The following ABHD12 variants were observed in gnomAD, a reference collection of about 807,000 sequenced individuals.
ABHD12 encodes lysophosphatidylserine lipase ABHD12.
Under a neutral mutation model 58.3 loss-of-function variants are expected in ABHD12, and 43 were observed. The ratio of observed to expected loss-of-function variants is 0.74; its 90% CI spans 0.58 to 0.95. The LOEUF (loss-of-function observed/expected upper bound fraction) is 0.95. ABHD12 is among the 40% of genes least tolerant of loss of function. The pLI is 0.00. For synonymous variants in ABHD12, 219 were observed against 211.2 expected (o/e 1.04, Z -0.32); for missense variants, 539 against 537.2 (o/e 1.00, Z -0.03).
chr20:25,322,362 G>GATATATATAT lies in ABHD12; in HGVS notation c.422+953_422+962dup, dbSNP rs1312326738. On this transcript the variant is annotated intron_variant, in intron 3 of 12. Coordinates refer to ENST00000339157, the MANE Select transcript of ABHD12 (RefSeq NM_001042472.3). ...ATCTAGATGTTCACCTCTTGGAAAA[G>GATATATATAT]ATATATATATATATATATATTTTTT... is the stretch of plus-strand genomic sequence containing the variant. Among the ~76,000 whole-genome samples, 54 of 66,086 alleles carry GATATATATAT rather than the reference G, an allele frequency of 8.2e-4. 2 individuals are homozygous for GATATATATAT. The highest frequency in any genetic ancestry group is 3.2e-3 in the African/African-American group (47 of 14,588). 43.4% of individuals were successfully genotyped at this position (66,086 alleles called of 152,430 possible).
chr20:25,296,514 C>G (rs146361543), downstream of ABHD12: 1 of 1,612,882 alleles, frequency 6.2e-7, no homozygotes, highest in Non-Finnish European at 8.5e-7. Context: ...CAACATCCCC[C>G]GGGACTAGGC....
chr20:25,345,938 ACT>A (rs1467965760), intron 1 of ABHD12, among the ~76,000 whole-genome samples: 1 of 152,172 alleles, frequency 6.6e-6, no homozygotes, highest in Non-Finnish European at 1.5e-5. Context: ...GCTCCTTGGT[ACT>A]TACTCAAATA....
At chr20:25,325,932 G>C (rs1456853679) in intron 2 of ABHD12, among the ~76,000 whole-genome samples, 1 of 151,946 alleles carries the variant, frequency 6.6e-6, no homozygotes, top group South Asian at 2.1e-4. Context: ...TTAGCCAGGC[G>C]TGGTGGTGTG....
At chr20:25,302,085 A>G (rs2088645532) in intron 12 of ABHD12, 134 bp downstream of exon 12, 2 of 1,305,244 alleles carry the variant, frequency 1.5e-6, no homozygotes, top group Admixed American at 1.9e-5. Context: ...AGGAAATGGA[A>G]GGCTCCCAAA....
At chr20:25,302,390 G>C in intron 11 of ABHD12, 44 bp from the exon 12 acceptor site, 1 of 1,610,442 alleles carries the variant, frequency 6.2e-7, no homozygotes, top group South Asian at 1.1e-5. Context: ...GCCTGGCATG[G>C]GGGTCCCAGC....
intron 2 of ABHD12, among the ~76,000 whole-genome samples, chr20:25,337,142 T>C (rs1271612168): frequency 6.6e-6 from 1 of 152,080 alleles, no homozygotes; most frequent in Non-Finnish European, 1.5e-5. Flanking sequence ...GGTGGGTGCC[T>C]GGAGTCCCAG....
intron 1 of ABHD12, among the ~76,000 whole-genome samples, chr20:25,387,832 C>A (rs182173955): frequency 2.0e-5 from 3 of 151,588 alleles, no homozygotes; most frequent in African/African-American, 7.3e-5. Flanking sequence ...CACGAGGTCA[C>A]GAGTTCGAGA....
At chr20:25,324,223 C>T (rs1021290282) in intron 2 of ABHD12, among the ~76,000 whole-genome samples, 3 of 152,080 alleles carry the variant, frequency 2.0e-5, no homozygotes, top group Non-Finnish European at 2.9e-5. Context: ...ACTGTGGGTG[C>T]GGGTGCGGTA....
In ABHD12 at chr20:25,300,661, G is replaced by C; in HGVS notation, c.*184C>G. On this transcript the variant is annotated 3_prime_UTR_variant, in exon 13 of 13. Transcript: ENST00000339157. ...CACGCTTTCCACACAGCCATGCTCA[G>C]GCCTCCGGGCACTGCAGGCCTGCAG... is the stretch of plus-strand genomic sequence containing the variant. 6.6e-7 allele frequency: 1 copy of C among 1,505,130 alleles called. No homozygotes were observed. The highest frequency in any genetic ancestry group is 8.8e-7 in the Non-Finnish European group (1 of 1,130,920). 93.2% of individuals were successfully genotyped at this position (1,505,130 alleles called of 1,614,324 possible). A position where few individuals can be genotyped will look rare whatever the true frequency, so the allele number is the denominator to read the frequency against.
intron 1 of ABHD12, among the ~76,000 whole-genome samples, chr20:25,379,775 C>G (rs954520996): frequency 3.3e-5 from 5 of 151,998 alleles, no homozygotes; most frequent in African/African-American, 1.2e-4. Context: ...GTTGCCCAGA[C>G]CAGAGTGCAG....
chr20:25,357,080 G>A (rs371770736), intron 1 of ABHD12, among the ~76,000 whole-genome samples: 43 of 152,316 alleles, frequency 2.8e-4, no homozygotes, highest in South Asian at 4.1e-4. Context: ...CAGAGACTAT[G>A]TCTGGGGTCA....
intron 1 of ABHD12, among the ~76,000 whole-genome samples, chr20:25,358,923 T>C (rs1447058443): frequency 1.3e-5 from 2 of 152,056 alleles, no homozygotes; most frequent in Admixed American, 6.5e-5. Flanking sequence ...TATAAAATCA[T>C]ATGTGAAAAT....
At chr20:25,381,264 T>C (rs956252060) in intron 1 of ABHD12, among the ~76,000 whole-genome samples, 2 of 152,184 alleles carry the variant, frequency 1.3e-5, no homozygotes, top group Admixed American at 6.5e-5. Context: ...TCTGCGGCTA[T>C]TCCCTCACTG....
In ABHD12 at chr20:25,308,474, C is replaced by T. The variant is rs774352643; in HGVS notation, c.770G>A (p.Arg257Gln). 5.0e-6 allele frequency: 8 copies of T among 1,611,674 alleles called. No homozygotes were observed. Among genetic ancestry groups the T allele is most frequent in the East Asian group, 2.2e-5 (1 of 44,864 alleles). The stretch of plus-strand genomic sequence containing the variant: ...GCACTCACCTCGCTCACAGAGGCGC[C>T]GCACCAGATTTGTCGCCACGCTAGG... ...LGTGVATNLV[R>Q]RLCERETPPD... The change falls in exon 8 of 13, where the codon CGG becomes CAG. Residue 257 changes from arginine to glutamine, a missense_variant. Arg to Gln is a conservative substitution (Grantham distance 43). Transcript: ENST00000339157.
chr20:25,343,606 A>G (rs367576424), intron 1 of ABHD12, among the ~76,000 whole-genome samples: 5 of 152,260 alleles, frequency 3.3e-5, no homozygotes, highest in African/African-American at 1.2e-4. Context: ...GGAGTTCAAG[A>G]CCACCTGGCC....
At chr20:25,306,543 G>A (rs2088745448) in intron 10 of ABHD12, among the ~76,000 whole-genome samples, 1 of 152,022 alleles carries the variant, frequency 6.6e-6, no homozygotes, top group African/African-American at 2.4e-5. Flanking sequence ...CACCATACCT[G>A]GTCAATTTTT....
chr20:25,298,407 A>C (rs1348475228), downstream of ABHD12, among the ~76,000 whole-genome samples: 2 of 151,988 alleles, frequency 1.3e-5, no homozygotes, highest in Non-Finnish European at 2.9e-5. Flanking sequence ...CTGGCATTAC[A>C]GGCGCCCACC....
At chr20:25,325,746 G>C (rs182865484) in intron 2 of ABHD12, among the ~76,000 whole-genome samples, 14 of 152,238 alleles carry the variant, frequency 9.2e-5, no homozygotes, top group Admixed American at 5.9e-4. Context: ...AAGCCACTCA[G>C]TTTGCAGGTT....
intron 10 of ABHD12, among the ~76,000 whole-genome samples, chr20:25,305,426 G>A (rs1178514137): frequency 6.7e-6 from 1 of 149,526 alleles, no homozygotes; most frequent in Non-Finnish European, 1.5e-5. Flanking sequence ...GCAGTGGCGC[G>A]ATCTCGGCCC....
Sources: allele counts gnomAD v4.1 joint callset (sites outside exome capture counted in the v4.1 genomes callset), GRCh38; gene constraint gnomAD v4.1.1; transcripts MANE v1.5; gene names NCBI Gene and HGNC (gene_info 2026-07-23, HGNC 2026-07-21).